Variants in DPP6 observed in about 807,000 individuals in gnomAD.
The protein encoded by DPP6 is dipeptidyl peptidase like 6.
Under a neutral mutation model 122.6 loss-of-function variants are expected in DPP6, and 69 were observed. The ratio of observed to expected loss-of-function variants is 0.56; its 90% CI spans 0.46 to 0.69. The LOEUF (loss-of-function observed/expected upper bound fraction) is 0.69. DPP6 is among the 30% of genes least tolerant of loss of function. The pLI is 0.00. For missense variants in DPP6, 928 were observed against 1,116.9 expected (o/e 0.83, Z 2.41); for synonymous variants, 418 against 433.1 (o/e 0.97, Z 0.43).
intron 1 of DPP6, among the ~76,000 whole-genome samples, chr7:154,366,334 C>A (rs1394493562): frequency 6.6e-6 from 1 of 152,210 alleles, no homozygotes. Context: ...AGATTCCCTG[C>A]ATCTACAACC....
At chr7:153,945,086 G>A (rs1801887101) in intron 1 of DPP6, among the ~76,000 whole-genome samples, 1 of 152,096 alleles carries the variant, frequency 6.6e-6, no homozygotes, top group South Asian at 2.1e-4. Flanking sequence ...CAGACTGCAG[G>A]CTCTGAAGGG....
At chr7:153,797,493 T>C in the DPP6 span, among the ~76,000 whole-genome samples, 3 of 152,146 alleles carry the variant, frequency 2.0e-5, no homozygotes, top group Non-Finnish European at 4.4e-5. Context: ...GTTCATAATA[T>C]ACTGTAGGAG....
chr7:154,883,895 AC>A (rs1805766103), intron 21 of DPP6: 1 of 65,770 alleles, frequency 1.5e-5, no homozygotes, highest in Admixed American at 1.5e-4. Context: ...ATGCTCACAC[AC>A]ATTACATACA....
intron 6 of DPP6, among the ~76,000 whole-genome samples, chr7:154,665,697 G>A (rs559896201): frequency 8.2e-4 from 124 of 151,990 alleles, no homozygotes; most frequent in Non-Finnish European, 1.5e-3. Flanking sequence ...GTGGACAGAC[G>A]CAGGACATAT....
chr7:154,234,862 T>C (rs1351570117), intron 1 of DPP6, among the ~76,000 whole-genome samples: 3 of 152,058 alleles, frequency 2.0e-5, no homozygotes, highest in East Asian at 1.9e-4. Context: ...TCTTCCCACC[T>C]CACACAGCCC....
the DPP6 span, among the ~76,000 whole-genome samples, chr7:153,855,726 T>G: frequency 6.6e-6 from 1 of 152,106 alleles, no homozygotes; most frequent in African/African-American, 2.4e-5. Context: ...AACTCTGCCT[T>G]AGCTCTCCCT....
chr7:154,876,148 C>T (rs1563312512), intron 20 of DPP6, 48 bp downstream of exon 20: 6 of 1,506,504 alleles, frequency 4.0e-6, no homozygotes, highest in Non-Finnish European at 5.3e-6. Flanking sequence ...GGACGGGGCT[C>T]CTCATGGGGG....
At chr7:153,866,115 G>A in the DPP6 span, among the ~76,000 whole-genome samples, 255 of 152,184 alleles carry the variant, frequency 1.7e-3, 1 homozygote, top group African/African-American at 5.6e-3. Flanking sequence ...ATAAACATAC[G>A]TGTGCATGTG....
At chr7:154,112,600 A>G (rs931481799) in intron 1 of DPP6, among the ~76,000 whole-genome samples, 2 of 151,932 alleles carry the variant, frequency 1.3e-5, no homozygotes, top group African/African-American at 4.8e-5. Context: ...AACTGAGATT[A>G]TGCTGCTGCA....
chr7:153,831,776 C>T, the DPP6 span, among the ~76,000 whole-genome samples: 3 of 152,064 alleles, frequency 2.0e-5, no homozygotes, highest in Admixed American at 6.6e-5. Context: ...TGGGTTTGGC[C>T]CATGAGGCGA....
the DPP6 span, among the ~76,000 whole-genome samples, chr7:153,756,497 T>C: frequency 1.3e-5 from 2 of 152,174 alleles, no homozygotes; most frequent in Non-Finnish European, 2.9e-5. Context: ...CCACATCTGA[T>C]AGACACTTGG....
At chr7:154,501,583 A>G (rs954425525) in intron 3 of DPP6, among the ~76,000 whole-genome samples, 11 of 152,186 alleles carry the variant, frequency 7.2e-5, no homozygotes, top group African/African-American at 2.4e-4. Flanking sequence ...CTGCTTCCAC[A>G]TGGTATTGAG....
chr7:154,494,772 T>C (rs1380091275), intron 3 of DPP6, among the ~76,000 whole-genome samples: 2 of 152,184 alleles, frequency 1.3e-5, no homozygotes, highest in Non-Finnish European at 2.9e-5. Flanking sequence ...TCCATCAATT[T>C]GCCTCCTCCA....
At chr7:154,421,934 G>T (rs1480281429) in intron 1 of DPP6, among the ~76,000 whole-genome samples, 6 of 152,192 alleles carry the variant, frequency 3.9e-5, no homozygotes, top group Non-Finnish European at 8.8e-5. Context: ...ACAGGACATA[G>T]AAAGCACATT....
intron 6 of DPP6, among the ~76,000 whole-genome samples, chr7:154,649,035 G>A (rs1430118239): frequency 6.6e-6 from 1 of 152,146 alleles, no homozygotes; most frequent in Non-Finnish European, 1.5e-5. Context: ...CACCTGCCCA[G>A]AGCATCCTCC....
At chr7:153,892,712 G>T (rs1048839264) in intron 1 of DPP6, among the ~76,000 whole-genome samples, 2 of 152,062 alleles carry the variant, frequency 1.3e-5, no homozygotes, top group African/African-American at 4.8e-5. Flanking sequence ...TGGTCACTTG[G>T]TAACAAAATG....
intron 1 of DPP6, among the ~76,000 whole-genome samples, chr7:154,313,715 A>ATATACT: frequency 2.8e-5 from 1 of 35,808 alleles, no homozygotes; most frequent in East Asian, 1.2e-3. Context: ...ATATATATAT[A>ATATACT]CACACACACG....
chr7:154,416,284 C>T (rs942042866), intron 1 of DPP6, among the ~76,000 whole-genome samples: 3 of 152,044 alleles, frequency 2.0e-5, no homozygotes, highest in Non-Finnish European at 4.4e-5. Flanking sequence ...TCAGGATCAC[C>T]CAAGCAGATG....
intron 22 of DPP6, among the ~76,000 whole-genome samples, chr7:154,886,309 TG>T (rs1186819678): frequency 5.9e-5 from 9 of 152,336 alleles, no homozygotes; most frequent in Non-Finnish European, 1.2e-4. Context: ...TCAGAGAGTA[TG>T]GCTCTCCATG....
Sources: allele counts gnomAD v4.1 joint callset (sites outside exome capture counted in the v4.1 genomes callset), GRCh38; gene constraint gnomAD v4.1.1; transcripts MANE v1.5; gene names NCBI Gene and HGNC (gene_info 2026-07-23, HGNC 2026-07-21).